Variants in APOLD1 observed in about 807,000 individuals in gnomAD.
The protein encoded by APOLD1 is apolipoprotein L domain-containing protein 1.
A neutral mutation model predicts 15.3 loss-of-function variants in APOLD1; 22 were observed. The ratio of observed to expected loss-of-function variants is 1.44; its 90% CI spans 1.03 to 2.05. APOLD1 has a LOEUF of 2.05. Among genes scored for constraint, APOLD1 ranks in the 30% most tolerant of loss-of-function variants. APOLD1 has a pLI of 0.00. For synonymous variants in APOLD1, 190 were observed against 167.4 expected (o/e 1.13, Z -1.04); for missense variants, 394 against 353.5 (o/e 1.11, Z -0.92).
At chr12:12,777,171 G>A (rs1034837174) in intron 1 of APOLD1, among the ~76,000 whole-genome samples, 2 of 152,120 alleles carry the variant, frequency 1.3e-5, no homozygotes, top group Non-Finnish European at 2.9e-5. Flanking sequence ...GGGTGGGAAG[G>A]TCAAGTTCTT....
intron 1 of APOLD1, among the ~76,000 whole-genome samples, chr12:12,738,202 C>T (rs1293132803): frequency 1.7e-5 from 2 of 117,558 alleles, no homozygotes; most frequent in African/African-American, 3.2e-5. Flanking sequence ...CAAGCAAGTC[C>T]TTTTTTTTTT....
intron 1 of APOLD1, among the ~76,000 whole-genome samples, chr12:12,777,889 GTTTTTTTTTTTTT>G (rs71436735): frequency 1.0e-4 from 12 of 117,064 alleles, no homozygotes; most frequent in African/African-American, 1.9e-4. Flanking sequence ...AAGGAAAGGT[GTTTTTTTTTTTTT>G]TTTTTTTTTT....
chr12:12,750,493 T>G (rs773671248), intron 1 of APOLD1, among the ~76,000 whole-genome samples: 4 of 152,116 alleles, frequency 2.6e-5, no homozygotes, highest in Non-Finnish European at 5.9e-5. Flanking sequence ...CTTTAATGTC[T>G]CATGATTTTG....
At chr12:12,735,251 A>G (rs1390385984) in intron 1 of APOLD1, among the ~76,000 whole-genome samples, 1 of 151,924 alleles carries the variant, frequency 6.6e-6, no homozygotes, top group Non-Finnish European at 1.5e-5. Context: ...ACAAAATAAA[A>G]AATGCCATTC....
At chr12:12,726,315 A>G in intron 1 of APOLD1, 1 of 655,016 alleles carries the variant, frequency 1.5e-6, no homozygotes, top group Non-Finnish European at 2.8e-6. Context: ...TGCGGGAGGA[A>G]TATGTTAAAA....
rs953274031 is a variant in APOLD1 at position 12,791,437 on chromosome 12, T to A, written c.*3785T>A. ...ACTGTAGCAAAATTAATGCTTTCTC[T>A]TTATTGAAATAAATTGCTCATTCCT... On this transcript the variant is annotated 3_prime_UTR_variant, in exon 2 of 2. Transcript: ENST00000356591. 6.6e-6 allele frequency: 1 copy of A among 152,388 alleles called. No homozygotes were observed. Among genetic ancestry groups the A allele is most frequent in the African/African-American group, 2.4e-5 (1 of 41,602 alleles). 9.4% of individuals were successfully genotyped at this position (152,388 alleles called of 1,614,324 possible). A position where few individuals can be genotyped will look rare whatever the true frequency, so the allele number is the denominator to read the frequency against.
upstream of APOLD1, among the ~76,000 whole-genome samples, chr12:12,783,031 C>T (rs1947096163): frequency 6.6e-6 from 1 of 151,886 alleles, no homozygotes. Context: ...CATGGCGAAA[C>T]CCCGTCTCTA....
At chr12:12,726,074 G>A in exon 1 of APOLD1, 1 of 1,505,892 alleles carries the variant, frequency 6.6e-7, no homozygotes, top group Non-Finnish European at 8.9e-7. Context: ...TGGCGAGGAT[G>A]CACCTTCCCC....
At position 12,789,158 on chromosome 12, in the gene APOLD1, AT is replaced by A. The variant is rs1393510181; in HGVS notation, c.*1507del. On this transcript the variant is annotated 3_prime_UTR_variant, in exon 2 of 2. Transcript: ENST00000356591. ...TAGTGTTTGCATTTAATTTTATTTA[AT>A]CACCACATTTAGAAAATAATAAGAG... The A allele has an allele frequency of 6.6e-6, 1 of 152,218 alleles. No individual in the cohort carries two copies. Among genetic ancestry groups the A allele is most frequent in the African/African-American group, 2.4e-5 (1 of 41,456 alleles). 9.4% of individuals were successfully genotyped at this position (152,218 alleles called of 1,614,324 possible).
chr12:12,750,023 C>T (rs953450763), intron 1 of APOLD1, among the ~76,000 whole-genome samples: 3 of 152,046 alleles, frequency 2.0e-5, no homozygotes, highest in African/African-American at 7.2e-5. Flanking sequence ...TCAAAAGATC[C>T]CTGACTGTAC....
chr12:12,755,953 G>T (rs1307372135), intron 1 of APOLD1, among the ~76,000 whole-genome samples: 1 of 152,204 alleles, frequency 6.6e-6, no homozygotes, highest in Non-Finnish European at 1.5e-5. Flanking sequence ...TGGCACAATT[G>T]TGTCAGCCAA....
intron 1 of APOLD1, among the ~76,000 whole-genome samples, chr12:12,768,225 TA>T (rs1946955818): frequency 2.0e-5 from 3 of 152,126 alleles, no homozygotes; most frequent in Admixed American, 6.5e-5. Context: ...TAACTAGATG[TA>T]AAAAATAGTT....
chr12:12,758,235 C>A (rs536569171), intron 1 of APOLD1, among the ~76,000 whole-genome samples: 1 of 151,338 alleles, frequency 6.6e-6, no homozygotes, highest in East Asian at 2.0e-4. Context: ...CACGCCTGAA[C>A]TAATTCAATT....
chr12:12,742,490 G>A (rs1487942821), intron 1 of APOLD1, among the ~76,000 whole-genome samples: 1 of 151,916 alleles, frequency 6.6e-6, no homozygotes, highest in Non-Finnish European at 1.5e-5. Flanking sequence ...TGGTCGGCCG[G>A]GCACGGTGGC....
chr12:12,749,697 G>A (rs908428173), intron 1 of APOLD1, among the ~76,000 whole-genome samples: 5 of 152,202 alleles, frequency 3.3e-5, no homozygotes, highest in Non-Finnish European at 7.3e-5. Context: ...CCACCAAGTG[G>A]CCCATGGGAA....
chr12:12,783,292 C>T (rs1275648516), upstream of APOLD1, among the ~76,000 whole-genome samples: 1 of 152,006 alleles, frequency 6.6e-6, no homozygotes, highest in Non-Finnish European at 1.5e-5. Context: ...GGTGAAGTAC[C>T]AGTTGGGTTT....
intron 1 of APOLD1, chr12:12,726,278 A>C (rs949046928): frequency 4.2e-6 from 3 of 711,438 alleles, no homozygotes; most frequent in Non-Finnish European, 7.4e-6. Flanking sequence ...ATTTTAAAAA[A>C]GTTTTCTTTG....
At chr12:12,750,898 G>A (rs749185969) in intron 1 of APOLD1, among the ~76,000 whole-genome samples, 56 of 151,660 alleles carry the variant, frequency 3.7e-4, no homozygotes, top group Admixed American at 8.5e-4. Flanking sequence ...CCTCAGCCTC[G>A]CAAGTAGCTG....
At chr12:12,730,505 AC>A (rs1946630186) in intron 1 of APOLD1, among the ~76,000 whole-genome samples, 1 of 151,430 alleles carries the variant, frequency 6.6e-6, no homozygotes, top group African/African-American at 2.4e-5. Context: ...ACATGGTGAA[AC>A]CCCATCTCTA....
Sources: allele counts gnomAD v4.1 joint callset (sites outside exome capture counted in the v4.1 genomes callset), GRCh38; gene constraint gnomAD v4.1.1; transcripts MANE v1.5; gene names NCBI Gene and HGNC (gene_info 2026-07-23, HGNC 2026-07-21).